Variants in CNTNAP2 observed in about 807,000 individuals in gnomAD.
CNTNAP2 encodes the protein contactin-associated protein-like 2.
CNTNAP2 carries 98 observed loss-of-function variants against 155.2 expected under a neutral mutation model. The observed-to-expected ratio is 0.63, with a 90% CI of 0.54 to 0.75. The LOEUF (loss-of-function observed/expected upper bound fraction) is 0.75, where lower values mean the gene tolerates loss of function less well. CNTNAP2 is among the 30% of genes least tolerant of loss of function. The pLI, the probability that CNTNAP2 is intolerant of heterozygous loss-of-function variation, is 0.00. For missense variants in CNTNAP2, 1,727 were observed against 1,688.1 expected (o/e 1.02, Z -0.40); for synonymous variants, 651 against 631.2 (o/e 1.03, Z -0.47).
At chr7:147,785,949 G>A (rs891685224) in intron 13 of CNTNAP2, among the ~76,000 whole-genome samples, 1 of 151,284 alleles carries the variant, frequency 6.6e-6, no homozygotes, top group Non-Finnish European at 1.5e-5. Context: ...CCAAGATCGT[G>A]CCACCGCACT....
At chr7:147,761,391 A>T (rs766130247) in intron 13 of CNTNAP2, among the ~76,000 whole-genome samples, 11 of 152,178 alleles carry the variant, frequency 7.2e-5, no homozygotes, top group Non-Finnish European at 1.2e-4. Context: ...CTGTGCTTAT[A>T]AAAAATGACA....
chr7:148,237,631 A>G (rs1264455886), intron 20 of CNTNAP2, among the ~76,000 whole-genome samples: 2 of 152,262 alleles, frequency 1.3e-5, no homozygotes, highest in Admixed American at 1.3e-4. Context: ...TGAAATATGT[A>G]ACATCAAATG....
chr7:147,264,325 G>A (rs111782012), intron 8 of CNTNAP2, among the ~76,000 whole-genome samples: 22 of 152,034 alleles, frequency 1.4e-4, no homozygotes, highest in African/African-American at 4.8e-4. Flanking sequence ...TTTATTTATT[G>A]TGGGAAGTAT....
intron 8 of CNTNAP2, among the ~76,000 whole-genome samples, chr7:147,145,839 A>G (rs977568015): frequency 3.9e-5 from 6 of 152,174 alleles, no homozygotes; most frequent in Non-Finnish European, 7.3e-5. Context: ...CCTCTTGGGT[A>G]TGGTCAGAAT....
At chr7:147,647,567 A>ATGGCTT (rs1795386889) in intron 13 of CNTNAP2, among the ~76,000 whole-genome samples, 1 of 152,114 alleles carries the variant, frequency 6.6e-6, no homozygotes, top group African/African-American at 2.4e-5. Context: ...TGGGCTATTC[A>ATGGCTT]TGGCTTTTCT....
At chr7:148,222,912 G>A (rs1257067251) in intron 19 of CNTNAP2, among the ~76,000 whole-genome samples, 1 of 152,170 alleles carries the variant, frequency 6.6e-6, no homozygotes, top group Non-Finnish European at 1.5e-5. Context: ...TGGGCAATCA[G>A]TTGGCAGCTC....
intron 16 of CNTNAP2, among the ~76,000 whole-genome samples, chr7:148,142,546 C>A (rs1805097111): frequency 6.6e-6 from 1 of 152,174 alleles, no homozygotes; most frequent in African/African-American, 2.4e-5. Context: ...CCCCTCGAAC[C>A]TTATTTTAGA....
intron 3 of CNTNAP2, among the ~76,000 whole-genome samples, chr7:146,873,482 G>T (rs1383127027): frequency 6.6e-6 from 1 of 152,084 alleles, no homozygotes; most frequent in Non-Finnish European, 1.5e-5. Context: ...CTTGCTGTGT[G>T]CCAGGGACTT....
intron 13 of CNTNAP2, among the ~76,000 whole-genome samples, chr7:147,720,073 A>G (rs1355203549): frequency 6.6e-6 from 1 of 151,948 alleles, no homozygotes. Context: ...CTTATACTCA[A>G]TGACTATTTT....
intron 1 of CNTNAP2, among the ~76,000 whole-genome samples, chr7:146,758,472 T>G (rs1238718595): frequency 6.6e-6 from 1 of 152,102 alleles, no homozygotes; most frequent in African/African-American, 2.4e-5. Context: ...TTCATGCTGC[T>G]GATAAAGTCA....
intron 13 of CNTNAP2, among the ~76,000 whole-genome samples, chr7:147,815,286 G>T (rs1433739256): frequency 6.6e-6 from 1 of 152,162 alleles, no homozygotes; most frequent in East Asian, 1.9e-4. Flanking sequence ...TCTGTTCTGG[G>T]TGTTAGGAAG....
intron 3 of CNTNAP2, among the ~76,000 whole-genome samples, chr7:146,963,695 A>G (rs950044030): frequency 2.0e-4 from 31 of 152,172 alleles, no homozygotes; most frequent in Non-Finnish European, 2.6e-4. Flanking sequence ...AAAATTTCAT[A>G]GTGTTGAAAA....
At chr7:146,858,838 C>G (rs2129204720) in intron 3 of CNTNAP2, among the ~76,000 whole-genome samples, 1 of 152,082 alleles carries the variant, frequency 6.6e-6, no homozygotes, top group African/African-American at 2.4e-5. Context: ...TATTCTTCTC[C>G]TTTAGATATA....
At chr7:146,240,469 A>G (rs1799542865) in intron 1 of CNTNAP2, among the ~76,000 whole-genome samples, 1 of 151,888 alleles carries the variant, frequency 6.6e-6, no homozygotes, top group Non-Finnish European at 1.5e-5. Context: ...ATTAATCAGA[A>G]CCATATTTGC....
At chr7:146,789,669 C>T (rs1158642506) in intron 2 of CNTNAP2, among the ~76,000 whole-genome samples, 2 of 148,576 alleles carry the variant, frequency 1.3e-5, no homozygotes, top group Non-Finnish European at 3.0e-5. Flanking sequence ...TTGAACAGAA[C>T]AATGAGACCA....
At chr7:147,481,564 T>G (rs937623399) in intron 10 of CNTNAP2, among the ~76,000 whole-genome samples, 3 of 152,260 alleles carry the variant, frequency 2.0e-5, no homozygotes, top group Non-Finnish European at 2.9e-5. Flanking sequence ...TTCCAAAATA[T>G]AGCTTTCATT....
intron 20 of CNTNAP2, among the ~76,000 whole-genome samples, chr7:148,261,789 T>G (rs4640984): frequency 6.6e-6 from 1 of 151,886 alleles, no homozygotes; most frequent in Non-Finnish European, 1.5e-5. Context: ...TCACAGAGGG[T>G]TCTCTTAAAA....
chr7:146,697,984 C>T (rs200239562), intron 1 of CNTNAP2, among the ~76,000 whole-genome samples: 19 of 152,142 alleles, frequency 1.2e-4, no homozygotes, highest in East Asian at 7.7e-4. Context: ...ATTACCTTAG[C>T]GTTTGCAATA....
intron 1 of CNTNAP2, among the ~76,000 whole-genome samples, chr7:146,471,272 C>T (rs1357653300): frequency 3.9e-5 from 6 of 152,186 alleles, no homozygotes; most frequent in African/African-American, 1.4e-4. Context: ...CTGGCCACAT[C>T]CTGCAACATA....
Sources: allele counts gnomAD v4.1 joint callset (sites outside exome capture counted in the v4.1 genomes callset), GRCh38; gene constraint gnomAD v4.1.1; transcripts MANE v1.5; gene names NCBI Gene and HGNC (gene_info 2026-07-23, HGNC 2026-07-21).